Variants in SSBP4 observed in about 807,000 individuals in gnomAD.
The protein encoded by SSBP4 is single-stranded DNA-binding protein 4.
In SSBP4, 33 loss-of-function variants were observed where a neutral mutation model predicts 64.6. The ratio of observed to expected loss-of-function variants is 0.51; its 90% confidence interval spans 0.39 to 0.68. The LOEUF (loss-of-function observed/expected upper bound fraction) is 0.68. Among genes scored for constraint, SSBP4 ranks in the 30% least tolerant of loss-of-function variants. SSBP4 has a pLI of 0.00. For synonymous variants in SSBP4, 243 were observed against 224.0 expected, an observed-to-expected ratio of 1.08 and a Z score of -0.76; for missense variants, 583 against 566.8, an observed-to-expected ratio of 1.03 and a Z score of -0.29.
chr19:18,427,214 G>A lies in SSBP4; in HGVS notation c.60-137G>A, dbSNP rs999215646. On this transcript the variant is annotated intron_variant, in intron 1 of 17. Coordinates refer to ENST00000270061, the MANE Select transcript of SSBP4 (RefSeq NM_032627.5). This position sits in a 1 kb window ranked among gnomAD's most constrained non-coding sequence, Gnocchi z 4.4. ...GGGAGGGGCCTGCAGGACATAGATG[G>A]ATAACTATGAGCTGTCCCTGCTGAG... 14 of 834,696 alleles carry A rather than the reference G, an allele frequency of 1.7e-5. No homozygotes were observed. Among genetic ancestry groups the A allele is most frequent in the Non-Finnish European group, 2.0e-5 (11 of 538,132 alleles). The allele number at this position is 834,696 out of a possible 1,614,324, so 51.7% of individuals were successfully genotyped here.
chr19:18,431,700 G>A lies in SSBP4; in HGVS notation c.489G>A (p.Pro163=), dbSNP rs542498763. The stretch of plus-strand genomic sequence containing the variant: ...GCCCCCGGCCCACCCTGCGGATGCC[G>A]AGTCAGGTGAGAAAGGGATGAGGGG... ...PGGPRPTLRM[P]SQPPAGLPGS... is the part of the protein sequence containing the mutation. The change falls in exon 7 of 18, where the codon CCG becomes CCA. Residue 163 remains proline, a synonymous_variant. Transcript: ENST00000270061. 15 of 1,550,920 alleles carry A rather than the reference G, an allele frequency of 9.7e-6. No individual in the cohort carries two copies. The East Asian group carries it at 9.7e-5, about 10-fold the overall frequency.
At chr19:18,403,028 G>C in the SSBP4 span, among the ~76,000 whole-genome samples, 1 of 152,248 alleles carries the variant, frequency 6.6e-6, no homozygotes, top group Non-Finnish European at 1.5e-5. Flanking sequence ...TCAATTCTGA[G>C]ATAGGAGAAA....
Position 18,427,744 on chromosome 19 carries a change from C to T in SSBP4, c.133-8C>T, listed in dbSNP as rs375309805. ...GGCCACCCCCTCACCACCTTCCTTT[C>T]CCTGCAGATCCGATGGGAGAAGAAC... On this transcript the variant is annotated splice_polypyrimidine_tract_variant and splice_region_variant and intron_variant, in intron 2 of 17. Transcript: ENST00000270061. This position sits in a 1 kb window ranked among gnomAD's most constrained non-coding sequence, Gnocchi z 4.4. 11 of 1,579,182 alleles carry T rather than the reference C, an allele frequency of 7.0e-6. No homozygotes were observed. The highest frequency in any genetic ancestry group is 9.5e-6 in the Non-Finnish European group (11 of 1,157,064).
At chr19:18,414,032 C>CAAACA (rs1555718918), upstream of SSBP4, among the ~76,000 whole-genome samples, 3 of 151,158 alleles carry the variant, frequency 2.0e-5, no homozygotes, top group African/African-American at 7.3e-5. Context: ...AACAAACAAA[C>CAAACA]AAAAAAAACG....
chr19:18,425,177 G>A (rs1333132888), intron 1 of SSBP4, among the ~76,000 whole-genome samples: 3 of 149,726 alleles, frequency 2.0e-5, no homozygotes, highest in Admixed American at 2.0e-4. Flanking sequence ...AGGAGACAAG[G>A]AAGGCAGGTA....
intron 1 of SSBP4, among the ~76,000 whole-genome samples, chr19:18,420,816 C>T (rs1972403092): frequency 6.6e-6 from 1 of 151,252 alleles, no homozygotes; most frequent in African/African-American, 2.4e-5. Flanking sequence ...CACGCCACTG[C>T]ACTCCAGCCT....
In SSBP4 at chr19:18,419,405, G is replaced by C. The variant is rs1358346346; in HGVS notation, c.-244G>C. The C allele has an allele frequency of 9.6e-7, 1 of 1,036,722 alleles. No individual in the cohort carries two copies. The highest frequency in any genetic ancestry group is 1.2e-6 in the Non-Finnish European group (1 of 865,312). 64.2% of individuals were successfully genotyped at this position (1,036,722 alleles called of 1,614,324 possible). Reference sequence around the variant, plus strand: ...GGGAGGAGGGGAGCGCGCGTTTCCCGGAACAGCCCGCGCGGAGGAAAGGGA... The same window carrying C: ...GGGAGGAGGGGAGCGCGCGTTTCCCCGAACAGCCCGCGCGGAGGAAAGGGA... On this transcript the variant is annotated 5_prime_UTR_variant, in exon 1 of 18. Coordinates refer to ENST00000270061, the MANE Select transcript of SSBP4 (RefSeq NM_032627.5).
upstream of SSBP4, among the ~76,000 whole-genome samples, chr19:18,414,052 C>T (rs1049374007): frequency 2.0e-5 from 3 of 152,202 alleles, no homozygotes; most frequent in South Asian, 2.1e-4. Context: ...GGCATTCCCT[C>T]GGCCAGAGAA....
intron 1 of SSBP4, among the ~76,000 whole-genome samples, chr19:18,420,323 C>G (rs1972353660): frequency 6.6e-6 from 1 of 152,100 alleles, no homozygotes; most frequent in Non-Finnish European, 1.5e-5. Context: ...CTTGATACCA[C>G]TGAAGAGTGC....
At chr19:18,404,698 C>T in the SSBP4 span, among the ~76,000 whole-genome samples, 3 of 151,088 alleles carry the variant, frequency 2.0e-5, no homozygotes, top group African/African-American at 7.3e-5. Context: ...TGAGACCATC[C>T]TGGCTAACAC....
chr19:18,427,772 C>A lies in SSBP4; in HGVS notation c.153C>A (p.Ile51=), dbSNP rs1339321448. The stretch of plus-strand genomic sequence containing the variant: ...TGCAGATCCGATGGGAGAAGAACAT[C>A]ACGCTGGGGGAGCCCCCTGGGTTCC... ...FLSEIRWEKN[I]TLGEPPGFLH... The change falls in exon 3 of 18, where the codon ATC becomes ATA. Residue 51 remains isoleucine, a synonymous_variant. Coordinates refer to ENST00000270061, the MANE Select transcript of SSBP4 (RefSeq NM_032627.5). This position sits in a 1 kb window ranked among gnomAD's most constrained non-coding sequence, Gnocchi z 4.4. The A allele has an allele frequency of 1.0e-5, 16 of 1,601,862 alleles. No homozygotes were observed. Among genetic ancestry groups the A allele is most frequent in the Non-Finnish European group, 1.4e-5 (16 of 1,170,866 alleles).
upstream of SSBP4, among the ~76,000 whole-genome samples, chr19:18,416,247 T>G (rs1378970051): frequency 6.6e-6 from 1 of 152,128 alleles, no homozygotes; most frequent in African/African-American, 2.4e-5. Context: ...ACTCCTGACC[T>G]GAGGTGATTC....
At chr19:18,431,243 C>G (rs1485107364) in intron 5 of SSBP4, 110 bp from the exon 6 acceptor site, 2 of 618,292 alleles carry the variant, frequency 3.2e-6, no homozygotes, top group South Asian at 4.0e-5. Flanking sequence ...CCCACAAGGT[C>G]CCTGTCCCAC....
chr19:18,432,471 AC>A, intron 10 of SSBP4, 87 bp from the exon 11 acceptor site: 1 of 1,495,544 alleles, frequency 6.7e-7, no homozygotes, highest in Non-Finnish European at 9.0e-7. Context: ...GTCTGGGGAT[AC>A]AGTGGAGCAG....
the SSBP4 span, among the ~76,000 whole-genome samples, chr19:18,407,390 C>T: frequency 4.6e-5 from 7 of 151,908 alleles, no homozygotes; most frequent in African/African-American, 1.7e-4. Flanking sequence ...GTCACATGGC[C>T]TTGTTAGTTA....
intron 15 of SSBP4, 105 bp downstream of exon 15, chr19:18,433,318 G>A: frequency 3.5e-6 from 5 of 1,429,394 alleles, no homozygotes; most frequent in Non-Finnish European, 4.7e-6. Flanking sequence ...GGCGTCTAGT[G>A]GCGTCCTGAG....
chr19:18,415,024 C>A (rs1281716527), upstream of SSBP4, among the ~76,000 whole-genome samples: 1 of 152,146 alleles, frequency 6.6e-6, no homozygotes, highest in Non-Finnish European at 1.5e-5. Flanking sequence ...CCCATGCTGG[C>A]CACCCCCAGC....
In SSBP4 at chr19:18,426,455, C is replaced by A. The variant is rs1405654153; in HGVS notation, c.60-896C>A. ...GCTCTGAGCAGGGAGCGGCTCAGTT[C>A]CAGGGAGGTCCAGAAGGGCTGGTGC... On this transcript the variant is annotated intron_variant, in intron 1 of 17. Coordinates refer to ENST00000270061, the MANE Select transcript of SSBP4 (RefSeq NM_032627.5). The surrounding 1 kb of genome is among the most constrained non-coding windows in gnomAD (Gnocchi z 4.5). Among the ~76,000 whole-genome samples the A allele has an allele frequency of 6.6e-6, 1 of 152,188 alleles. No homozygotes were observed. Among genetic ancestry groups the A allele is most frequent in the African/African-American group, 2.4e-5 (1 of 41,424 alleles).
chr19:18,411,002 C>G, the SSBP4 span, among the ~76,000 whole-genome samples: 1 of 151,844 alleles, frequency 6.6e-6, no homozygotes, highest in Non-Finnish European at 1.5e-5. Context: ...CGGCCGGGCG[C>G]GGTGGCTCAC....
Sources: allele counts gnomAD v4.1 joint callset (sites outside exome capture counted in the v4.1 genomes callset), GRCh38; gene constraint gnomAD v4.1.1; non-coding constraint Gnocchi (gnomAD v3.1); transcripts MANE v1.5; gene names NCBI Gene and HGNC (gene_info 2026-07-23, HGNC 2026-07-21).